The following PROM1 variants were observed in gnomAD, a reference collection of about 807,000 sequenced individuals.
PROM1 encodes prominin 1.
A neutral mutation model predicts 116.9 loss-of-function variants in PROM1; 105 were observed. The observed-to-expected ratio is 0.90, with a 90% CI of 0.77 to 1.06. The LOEUF is 1.06. Ranked by LOEUF, PROM1 falls within the 50% of genes least tolerant of loss-of-function variation. The pLI is 0.00. For missense variants in PROM1, 1,122 were observed against 1,045.2 expected, an observed-to-expected ratio of 1.07 and a Z score of -1.01; for synonymous variants, 393 against 387.0, an observed-to-expected ratio of 1.02 and a Z score of -0.18.
chr4:16,055,679 A>G (rs1738829905), intron 2 of PROM1, among the ~76,000 whole-genome samples: 1 of 152,174 alleles, frequency 6.6e-6, no homozygotes, highest in African/African-American at 2.4e-5. Flanking sequence ...AAGGAAACAG[A>G]TGTGAAAACG....
At chr4:16,029,371 T>TG (rs397750644) in intron 5 of PROM1, among the ~76,000 whole-genome samples, 1 of 151,776 alleles carries the variant, frequency 6.6e-6, no homozygotes, top group East Asian at 1.9e-4. Flanking sequence ...TTTTTTTTTT[T>TG]CCTTCCATAA....
At chr4:15,985,600 G>A (rs1039938835) in intron 22 of PROM1, 160 bp downstream of exon 22, 5 of 654,192 alleles carry the variant, frequency 7.6e-6, no homozygotes, top group African/African-American at 7.4e-5. Context: ...CTGACCTGGT[G>A]GGAAGCCCCA....
At chr4:16,006,488 C>T (rs951434539) in intron 13 of PROM1, 50 bp downstream of exon 13, 8 of 1,521,438 alleles carry the variant, frequency 5.3e-6, no homozygotes, top group African/African-American at 1.4e-5. Flanking sequence ...AGCACCCAGT[C>T]TCTCTCCTGC....
intron 5 of PROM1, among the ~76,000 whole-genome samples, chr4:16,028,105 C>T (rs1560522249): frequency 6.6e-6 from 1 of 151,852 alleles, no homozygotes; most frequent in East Asian, 1.9e-4. Context: ...CACTTGAGCC[C>T]AGGAGTTCCA....
rs368645812 is a variant in PROM1 at position 15,991,209 on chromosome 4, G to A, written c.1983+13C>T. 3.8e-6 allele frequency: 6 copies of A among 1,598,734 alleles called. No individual in the cohort carries two copies. In the African/African-American group the frequency reaches 4.0e-5, roughly 11 times the overall value. ...CAACTACTACAGTATTTAACCGGACGATTTGAACTCACCAAACTGTTTGCT... is the reference window on the plus strand; with the variant it reads ...CAACTACTACAGTATTTAACCGGACAATTTGAACTCACCAAACTGTTTGCT... On this transcript the variant is annotated intron_variant, in intron 18 of 27. Transcript: ENST00000447510.
chr4:16,045,014 A>C (rs1442537289), intron 2 of PROM1, among the ~76,000 whole-genome samples: 1 of 152,184 alleles, frequency 6.6e-6, no homozygotes, highest in Non-Finnish European at 1.5e-5. Flanking sequence ...TATACGGAGC[A>C]CTACAGATGC....
chr4:15,983,674 G>T (rs1415343958), intron 23 of PROM1, among the ~76,000 whole-genome samples: 1 of 152,194 alleles, frequency 6.6e-6, no homozygotes, highest in Non-Finnish European at 1.5e-5. Context: ...CAGGCAGAGA[G>T]CACACAGTGA....
chr4:16,041,773 AATAAATAAATAAATATATAT>A (rs1560553856), intron 2 of PROM1, among the ~76,000 whole-genome samples: 1 of 38,872 alleles, frequency 2.6e-5, no homozygotes, highest in African/African-American at 6.9e-5. Flanking sequence ...TAAATAAATA[AATAAATAAATAAATATATAT>A]ATATATATAT....
intron 2 of PROM1, among the ~76,000 whole-genome samples, chr4:16,041,359 T>A (rs1287733017): frequency 6.6e-6 from 1 of 151,918 alleles, no homozygotes; most frequent in Non-Finnish European, 1.5e-5. Flanking sequence ...TAAAAAAAAA[T>A]GGTAACTACA....
chr4:16,064,825 A>C (rs1184187967), intron 2 of PROM1, among the ~76,000 whole-genome samples: 2 of 122,726 alleles, frequency 1.6e-5, no homozygotes, highest in Non-Finnish European at 3.7e-5. Context: ...CCTGGGAGGC[A>C]GAGGTTGCAG....
intron 5 of PROM1, among the ~76,000 whole-genome samples, chr4:16,027,653 C>T (rs1731658703): frequency 6.6e-6 from 1 of 152,208 alleles, no homozygotes; most frequent in African/African-American, 2.4e-5. Flanking sequence ...TGTCTCACTT[C>T]AGACTCTAAT....
chr4:16,035,971 AATTTACATTTGC>A (rs1404969503), intron 3 of PROM1, among the ~76,000 whole-genome samples: 5 of 152,228 alleles, frequency 3.3e-5, no homozygotes, highest in African/African-American at 1.2e-4. Context: ...TGAGTTCTGA[AATTTACATTTGC>A]ATTTACATTT....
At chr4:16,055,558 C>T (rs1386973542) in intron 2 of PROM1, 4 of 372,220 alleles carry the variant, frequency 1.1e-5, no homozygotes, top group Non-Finnish European at 2.1e-5. Context: ...CGGTAAACAG[C>T]CTAGGGAAAG....
At chr4:15,974,230 C>G (rs949248446) in intron 26 of PROM1, among the ~76,000 whole-genome samples, 1 of 151,990 alleles carries the variant, frequency 6.6e-6, no homozygotes, top group Non-Finnish European at 1.5e-5. Flanking sequence ...AGAAACAAGT[C>G]ACCCAATATT....
chr4:16,012,795 C>A (rs951730469), intron 11 of PROM1, among the ~76,000 whole-genome samples: 1 of 139,112 alleles, frequency 7.2e-6, no homozygotes, highest in African/African-American at 2.7e-5. Flanking sequence ...GGCGTGAACC[C>A]GGGAGGCGGA....
intron 2 of PROM1, among the ~76,000 whole-genome samples, chr4:16,070,732 T>G (rs1041091879): frequency 6.6e-6 from 1 of 152,142 alleles, no homozygotes; most frequent in Non-Finnish European, 1.5e-5. Flanking sequence ...TAGCATCACA[T>G]CCAAACCTTG....
At chr4:16,026,219 AT>A (rs1731234564) in intron 5 of PROM1, among the ~76,000 whole-genome samples, 1 of 152,206 alleles carries the variant, frequency 6.6e-6, no homozygotes, top group Admixed American at 6.5e-5. Flanking sequence ...TAATGTAATA[AT>A]TTTTAAGGGC....
chr4:15,984,402 A>C, intron 22 of PROM1, 47 bp from the exon 23 acceptor site: 1 of 1,361,692 alleles, frequency 7.3e-7, no homozygotes, highest in Non-Finnish European at 1.0e-6. Flanking sequence ...ATCCACAAAA[A>C]CCCAAAGGAA....
chr4:15,970,342 T>C (rs1223968143), intron 27 of PROM1, among the ~76,000 whole-genome samples: 1 of 151,626 alleles, frequency 6.6e-6, no homozygotes, highest in Non-Finnish European at 1.5e-5. Context: ...CACACCCGGC[T>C]AACTTTTTTT....
Sources: allele counts gnomAD v4.1 joint callset (sites outside exome capture counted in the v4.1 genomes callset), GRCh38; gene constraint gnomAD v4.1.1; transcripts MANE v1.5; gene names NCBI Gene and HGNC (gene_info 2026-07-23, HGNC 2026-07-21).